The following FOXN1 variants were observed in gnomAD, a reference collection of about 807,000 sequenced individuals.
FOXN1 encodes forkhead box N1.
FOXN1 carries 15 observed loss-of-function variants against 49.0 expected under a neutral mutation model. The ratio of observed to expected loss-of-function variants is 0.31; its 90% confidence interval spans 0.20 to 0.47. The LOEUF (loss-of-function observed/expected upper bound fraction) is 0.47. FOXN1 is among the 20% of genes least tolerant of loss of function. FOXN1 has a pLI of 1.00. For synonymous variants in FOXN1, 356 were observed against 369.0 expected (o/e 0.96, Z 0.40); for missense variants, 800 against 842.8 (o/e 0.95, Z 0.63).
In FOXN1 at chr17:28,535,211, T is replaced by C; in HGVS notation, c.1627+13T>C. ...TTCGACTTCCAGGGTGAGCTGGGGG[T>C]GGGAAAGGGAAGGTGGGACAGGACT... On this transcript the variant is annotated intron_variant, in intron 8 of 8. Coordinates refer to ENST00000579795, the MANE Select transcript of FOXN1 (RefSeq NM_001369369.1). 1 of 1,610,786 alleles carries C rather than the reference T, an allele frequency of 6.2e-7. No individual in the cohort carries two copies. Among genetic ancestry groups the C allele is most frequent in the South Asian group, 1.1e-5 (1 of 90,850 alleles).
intron 1 of FOXN1, 156 bp from the exon 2 acceptor site, chr17:28,523,799 TC>T: frequency 3.6e-5 from 1 of 27,562 alleles, no homozygotes; most frequent in East Asian, 4.2e-4. Flanking sequence ...TGGTTCTCTC[TC>T]TCTCTCTCTC....
At chr17:28,519,964 ACT>A (rs1393262338) in intron 1 of FOXN1, among the ~76,000 whole-genome samples, 3 of 151,980 alleles carry the variant, frequency 2.0e-5, no homozygotes, top group East Asian at 3.9e-4. Context: ...CCTTAAACAA[ACT>A]CTGTCCCACT....
At position 28,537,841 on chromosome 17, in the gene FOXN1, G is replaced by T. The variant is rs1428046639; in HGVS notation, c.*405G>T. The T allele has an allele frequency of 9.7e-5, 31 of 321,142 alleles. No individual in the cohort carries two copies. Among genetic ancestry groups the T allele is most frequent in the Non-Finnish European group, 1.6e-4 (26 of 165,506 alleles). 19.9% of individuals were successfully genotyped at this position (321,142 alleles called of 1,614,324 possible). ...GCCCGACTTCGTTTCTGGGGCAACT[G>T]AGAGCTGAGCGCTTTGCTTACCAAA... On this transcript the variant is annotated 3_prime_UTR_variant, in exon 9 of 9. Coordinates refer to ENST00000579795, the MANE Select transcript of FOXN1 (RefSeq NM_001369369.1).
intron 1 of FOXN1, among the ~76,000 whole-genome samples, chr17:28,521,916 G>A (rs1000762823): frequency 1.3e-5 from 2 of 152,266 alleles, no homozygotes; most frequent in Admixed American, 6.5e-5. Flanking sequence ...CATGGCCTGG[G>A]CACAGCACAG....
chr17:28,529,969 T>C (rs1199162312), intron 5 of FOXN1, among the ~76,000 whole-genome samples: 1 of 149,774 alleles, frequency 6.7e-6, no homozygotes, highest in Non-Finnish European at 1.5e-5. Flanking sequence ...GCATGAAACC[T>C]CAGGGAAGTT....
chr17:28,517,514 C>A (rs536117882), intron 1 of FOXN1, among the ~76,000 whole-genome samples: 1 of 151,192 alleles, frequency 6.6e-6, no homozygotes, highest in South Asian at 2.1e-4. Context: ...GGGTACACAC[C>A]TCCACAGGGT....
chr17:28,528,900 A>G (rs530663338), intron 4 of FOXN1, among the ~76,000 whole-genome samples, 194 bp from the exon 5 acceptor site: 1 of 152,282 alleles, frequency 6.6e-6, no homozygotes, highest in Admixed American at 6.5e-5. Flanking sequence ...AAGGCCTCTG[A>G]GATCCTGAAT....
chr17:28,519,734 C>G (rs1409896183), intron 1 of FOXN1, among the ~76,000 whole-genome samples: 4 of 152,112 alleles, frequency 2.6e-5, no homozygotes, highest in Admixed American at 6.5e-5. Context: ...GTCAACCCCC[C>G]TCCTCTCCAC....
At position 28,527,312 on chromosome 17, in the gene FOXN1, A is replaced by G. The variant is rs1567880635; in HGVS notation, c.650A>G (p.Gln217Arg). The change falls in exon 4 of 9, where the codon CAG becomes CGG. Residue 217 changes from glutamine (Q) to arginine (R), a missense_variant. This residue lies in a region of FOXN1 where 383 missense variants were observed against 357.9 expected (regional missense o/e 1.07). Transcript: ENST00000579795. ...AGTGGTGCTGGGATGTTCTGCTACC[A>G]GCCTCCCTTGCAGCATATGTACTGC... is the stretch of plus-strand genomic sequence containing the variant. ...LESGAGMFCY[Q>R]PPLQHMYCSS... The G allele has an allele frequency of 6.2e-7, 1 of 1,613,910 alleles. No individual in the cohort carries two copies. Among genetic ancestry groups the G allele is most frequent in the Non-Finnish European group, 8.5e-7 (1 of 1,179,970 alleles).
chr17:28,530,501 A>G (rs570109775), intron 5 of FOXN1, among the ~76,000 whole-genome samples: 1 of 152,334 alleles, frequency 6.6e-6, no homozygotes, highest in African/African-American at 2.4e-5. Flanking sequence ...AGAGAGGGTA[A>G]GGCATTCACC....
chr17:28,516,580 CAGGA>C (rs2069508110), intron 1 of FOXN1, among the ~76,000 whole-genome samples: 1 of 150,834 alleles, frequency 6.6e-6, no homozygotes, highest in Non-Finnish European at 1.5e-5. Context: ...CACACCTCCA[CAGGA>C]TCCATACCTC....
chr17:28,529,372 T>C, intron 5 of FOXN1, 148 bp downstream of exon 5: 2 of 997,054 alleles, frequency 2.0e-6, no homozygotes, highest in Admixed American at 1.9e-5. Context: ...GGAGAGAGGG[T>C]TCCTGCATGA....
intron 4 of FOXN1, among the ~76,000 whole-genome samples, chr17:28,528,730 G>A (rs147849562): frequency 0.02 from 3,103 of 152,306 alleles, 42 homozygotes; most frequent in Middle Eastern, 0.037. Context: ...TCCTGCTTCC[G>A]GCCCAGCTGC....
chr17:28,529,301 T>C (rs1301881609), intron 5 of FOXN1, 77 bp downstream of exon 5: 1 of 1,559,396 alleles, frequency 6.4e-7, no homozygotes, highest in African/African-American at 1.4e-5. Flanking sequence ...CATGGAATCC[T>C]CTGGGTCTAC....
intron 5 of FOXN1, among the ~76,000 whole-genome samples, chr17:28,530,395 A>G (rs1350622089): frequency 4.6e-5 from 7 of 152,166 alleles, no homozygotes; most frequent in Non-Finnish European, 8.8e-5. Context: ...CTTCCGTTTA[A>G]TGAGTGCCTT....
intron 3 of FOXN1, among the ~76,000 whole-genome samples, chr17:28,526,897 C>G (rs903712576): frequency 6.6e-6 from 1 of 152,146 alleles, no homozygotes; most frequent in African/African-American, 2.4e-5. Flanking sequence ...GGGTCTGAGA[C>G]CTCTGAGTCA....
intron 4 of FOXN1, among the ~76,000 whole-genome samples, chr17:28,527,967 AG>A (rs1306105523): frequency 6.6e-6 from 1 of 152,202 alleles, no homozygotes; most frequent in Non-Finnish European, 1.5e-5. Context: ...GGAGTTTTAA[AG>A]GAGAAAGAAA....
chr17:28,537,605 T>G lies in FOXN1; in HGVS notation c.*169T>G, dbSNP rs543033325. On this transcript the variant is annotated 3_prime_UTR_variant, in exon 9 of 9. Transcript: ENST00000579795. ...AGCTGGGGGCGCAGAGGACATCACCTGGGGTGCTGCCTCTCACACATTTCT... is the reference window on the plus strand; with the variant it reads ...AGCTGGGGGCGCAGAGGACATCACCGGGGGTGCTGCCTCTCACACATTTCT... 1.5e-6 allele frequency: 1 copy of G among 670,232 alleles called. No individual in the cohort carries two copies. The highest frequency in any genetic ancestry group is 1.6e-5 in the South Asian group (1 of 60,820). 41.5% of individuals were successfully genotyped at this position (670,232 alleles called of 1,614,324 possible).
intron 1 of FOXN1, among the ~76,000 whole-genome samples, chr17:28,520,562 T>C (rs2069621210): frequency 6.6e-6 from 1 of 152,126 alleles, no homozygotes; most frequent in South Asian, 2.1e-4. Flanking sequence ...ATAACTTCCT[T>C]GGTTCTCATC....
Sources: gnomAD v4.1 joint callset for allele counts (sites outside exome capture counted in the v4.1 genomes callset) on GRCh38, gnomAD v4.1.1 for gene constraint, gnomAD v4.1.1 regional missense constraint, MANE v1.5 for transcripts, NCBI Gene and HGNC (gene_info 2026-07-23, HGNC 2026-07-21) for gene names.